The following COMMD1 variants were observed in gnomAD, a reference collection of about 807,000 sequenced individuals.
COMMD1 encodes the protein copper metabolism domain containing 1, also known as COMM domain-containing protein 1.
Under a neutral mutation model 17.2 loss-of-function variants are expected in COMMD1, and 10 were observed. The ratio of observed to expected loss-of-function variants is 0.58; its 90% confidence interval spans 0.36 to 0.99. COMMD1 has a LOEUF of 0.99. Among genes scored for constraint, COMMD1 ranks in the 50% least tolerant of loss-of-function variants. COMMD1 has a pLI of 0.01. For missense variants in COMMD1, 270 were observed against 231.8 expected, an observed-to-expected ratio of 1.17 and a Z score of -1.07; for synonymous variants, 97 against 91.6, an observed-to-expected ratio of 1.06 and a Z score of -0.34.
intron 2 of COMMD1, among the ~76,000 whole-genome samples, chr2:62,002,495 A>G (rs1668976900): frequency 7.7e-6 from 1 of 129,314 alleles, no homozygotes; most frequent in Non-Finnish European, 1.6e-5. Context: ...CCACCAGAAA[A>G]AAAAAAAAAA....
intron 1 of COMMD1, among the ~76,000 whole-genome samples, chr2:61,892,198 G>A (rs1669449754): frequency 6.6e-6 from 1 of 151,784 alleles, no homozygotes; most frequent in African/African-American, 2.4e-5. Context: ...ATACTTTCCT[G>A]TCAGATCCAA....
At chr2:62,123,376 G>A (rs1039419007) in intron 2 of COMMD1, among the ~76,000 whole-genome samples, 6 of 151,112 alleles carry the variant, frequency 4.0e-5, no homozygotes, top group East Asian at 1.9e-4. Context: ...GTGGTGGCGC[G>A]CACCTGTAGT....
In COMMD1 at chr2:62,095,807, C is replaced by CATATATATATAT. The variant is rs143205759; in HGVS notation, c.463-40021_463-40010dup. Among the ~76,000 whole-genome samples, 311 of 67,930 alleles carry CATATATATATAT rather than the reference C, an allele frequency of 4.6e-3. 58 individuals carry two copies. Among genetic ancestry groups the CATATATATATAT allele is most frequent in the African/African-American group, 0.02 (224 of 11,480 alleles). The allele number at this position is 67,930 out of a possible 152,430, so 44.6% of individuals were successfully genotyped here. ...TTGTGTAGTCAAGTTTCACAGCATG[C>CATATATATATAT]ATATATATATATATGCATATCAGGG... On this transcript the variant is annotated intron_variant, in intron 2 of 2. Transcript: ENST00000311832.
chr2:61,951,070 A>G (rs1671039517), intron 1 of COMMD1, among the ~76,000 whole-genome samples: 1 of 152,024 alleles, frequency 6.6e-6, no homozygotes, highest in Admixed American at 6.6e-5. Context: ...CAATGGGCAG[A>G]CTCTCTATGG....
chr2:62,060,850 A>AT (rs539620768), intron 2 of COMMD1, among the ~76,000 whole-genome samples: 2 of 151,906 alleles, frequency 1.3e-5, no homozygotes, highest in African/African-American at 2.4e-5. Flanking sequence ...GCAGATGTTA[A>AT]TTTTTTTAAT....
chr2:61,913,624 GGCTCTACTAA>G (rs1669970216), intron 1 of COMMD1, among the ~76,000 whole-genome samples: 1 of 147,144 alleles, frequency 6.8e-6, no homozygotes. Flanking sequence ...ACTAAAAATT[GGCTCTACTAA>G]AAATACAAAA....
intron 1 of COMMD1, among the ~76,000 whole-genome samples, chr2:61,916,464 C>G (rs913582976): frequency 2.0e-5 from 3 of 152,010 alleles, no homozygotes; most frequent in Non-Finnish European, 4.4e-5. Context: ...CTCTGTTGAC[C>G]AGGCTGGAGT....
At chr2:61,978,096 G>GA (rs987989867) in intron 1 of COMMD1, among the ~76,000 whole-genome samples, 2 of 151,988 alleles carry the variant, frequency 1.3e-5, no homozygotes, top group African/African-American at 4.8e-5. Flanking sequence ...AGGAGTTTGA[G>GA]ACCAGCCTGT....
At chr2:61,922,960 G>T (rs186098294) in intron 1 of COMMD1, among the ~76,000 whole-genome samples, 44 of 152,278 alleles carry the variant, frequency 2.9e-4, no homozygotes, top group African/African-American at 9.9e-4. Context: ...TTGAATAACA[G>T]TGTAATTTAA....
intron 1 of COMMD1, among the ~76,000 whole-genome samples, chr2:61,927,483 C>G (rs946166561): frequency 6.6e-6 from 1 of 151,006 alleles, no homozygotes; most frequent in Non-Finnish European, 1.5e-5. Flanking sequence ...CACTCCACCT[C>G]CCGGGTTCAT....
chr2:62,120,941 T>C (rs1672725302), intron 2 of COMMD1, among the ~76,000 whole-genome samples: 2 of 152,026 alleles, frequency 1.3e-5, no homozygotes, highest in Non-Finnish European at 2.9e-5. Flanking sequence ...ACAGGGTTTT[T>C]TCATGTTGCC....
intron 2 of COMMD1, among the ~76,000 whole-genome samples, chr2:62,063,894 T>C (rs1370077129): frequency 7.5e-6 from 1 of 134,044 alleles, no homozygotes; most frequent in African/African-American, 2.8e-5. Flanking sequence ...TATATATATA[T>C]ATATTAGCCA....
At chr2:61,970,892 T>A (rs962895037) in intron 1 of COMMD1, among the ~76,000 whole-genome samples, 1 of 152,164 alleles carries the variant, frequency 6.6e-6, no homozygotes, top group Non-Finnish European at 1.5e-5. Flanking sequence ...GTCATAGAAT[T>A]CATGTCCCCA....
At chr2:61,915,770 A>G (rs1572958030) in intron 1 of COMMD1, 1 of 446,400 alleles carries the variant, frequency 2.2e-6, no homozygotes, top group Non-Finnish European at 4.5e-6. Flanking sequence ...TGCTGGGATT[A>G]CAGGTATGAG....
At chr2:62,131,036 T>C (rs1673021576) in intron 2 of COMMD1, among the ~76,000 whole-genome samples, 1 of 152,204 alleles carries the variant, frequency 6.6e-6, no homozygotes, top group Admixed American at 6.5e-5. Flanking sequence ...GAGATGGCCT[T>C]GTCAGGAGGT....
At chr2:61,893,517 C>T (rs1022563848) in intron 1 of COMMD1, among the ~76,000 whole-genome samples, 1 of 149,764 alleles carries the variant, frequency 6.7e-6, no homozygotes, top group South Asian at 2.1e-4. Context: ...TATTGTAGTA[C>T]TAACAAGAGT....
intron 1 of COMMD1, among the ~76,000 whole-genome samples, chr2:61,890,826 C>CA (rs59877732): frequency 1.1e-4 from 11 of 98,970 alleles, no homozygotes; most frequent in Admixed American, 5.5e-4. Flanking sequence ...GACTTTGTCT[C>CA]AAAAAAAAAA....
intron 2 of COMMD1, among the ~76,000 whole-genome samples, chr2:62,014,650 C>T (rs1012391742): frequency 1.5e-5 from 2 of 129,682 alleles, no homozygotes; most frequent in Admixed American, 1.9e-4. Context: ...CAACCTCTAC[C>T]TCCTGGGTTC....
At chr2:62,026,799 C>T (rs1210285223) in intron 2 of COMMD1, among the ~76,000 whole-genome samples, 1 of 152,100 alleles carries the variant, frequency 6.6e-6, no homozygotes, top group Non-Finnish European at 1.5e-5. Context: ...ATTCCTAAGG[C>T]AGTGTAGTAA....
Sources: gnomAD v4.1 joint callset for allele counts (sites outside exome capture counted in the v4.1 genomes callset) on GRCh38, gnomAD v4.1.1 for gene constraint, MANE v1.5 for transcripts, NCBI Gene and HGNC (gene_info 2026-07-23, HGNC 2026-07-21) for gene names.